Variants in HABP4 observed in about 807,000 individuals in gnomAD.
The protein encoded by HABP4 is hyaluronan binding protein 4.
In HABP4, 32 loss-of-function variants were observed where a neutral mutation model predicts 44.1. The ratio of observed to expected loss-of-function variants is 0.73; its 90% CI spans 0.55 to 0.97. The LOEUF (loss-of-function observed/expected upper bound fraction) is 0.97. Ranked by LOEUF, HABP4 falls within the 50% of genes least tolerant of loss-of-function variation. HABP4 has a pLI of 0.00. For synonymous variants in HABP4, 216 were observed against 218.0 expected (o/e 0.99, Z 0.08); for missense variants, 503 against 561.9 (o/e 0.90, Z 1.06).
chr9:96,458,997 A>G (rs923931763), intron 2 of HABP4, among the ~76,000 whole-genome samples: 6 of 152,122 alleles, frequency 3.9e-5, no homozygotes, highest in African/African-American at 9.7e-5. Flanking sequence ...ATTTATGTGC[A>G]ATTCATGTTA....
chr9:96,489,526 G>GACAAA (rs1833043373), intron 7 of HABP4, among the ~76,000 whole-genome samples: 1 of 151,792 alleles, frequency 6.6e-6, no homozygotes, highest in South Asian at 2.1e-4. Flanking sequence ...AACCTTGCCT[G>GACAAA]ACCTTGGTGT....
chr9:96,458,359 C>G lies in HABP4; in HGVS notation c.350-20C>G. On this transcript the variant is annotated intron_variant, in intron 1 of 7. Transcript: ENST00000375249. ...GCAGATGTTGTGTTCCAGCTCTCTG[C>G]TTTGATTTTCTGTTGGTAGGCCAGA... 1 of 1,612,558 alleles carries G rather than the reference C, an allele frequency of 6.2e-7. No homozygotes were observed. The highest frequency in any genetic ancestry group is 8.5e-7 in the Non-Finnish European group (1 of 1,178,658).
intron 5 of HABP4, chr9:96,484,231 TCAAAGA>T: frequency 2.5e-6 from 1 of 392,454 alleles, no homozygotes; most frequent in African/African-American, 2.0e-5. Flanking sequence ...TTCCCATTTT[TCAAAGA>T]TTGATTTGAA....
intron 2 of HABP4, among the ~76,000 whole-genome samples, chr9:96,461,648 A>G (rs1033592571): frequency 6.6e-5 from 10 of 152,180 alleles, no homozygotes; most frequent in African/African-American, 2.2e-4. Context: ...TGGCTGTGAC[A>G]AGACTACTAC....
intron 1 of HABP4, among the ~76,000 whole-genome samples, chr9:96,456,772 AAAAAAAAAATATATATATAT>A (rs1460342254): frequency 6.1e-4 from 44 of 72,102 alleles, no homozygotes; most frequent in African/African-American, 2.7e-3. Context: ...AAAAAAAAAA[AAAAAAAAAATATATATATAT>A]ATATATATAT....
chr9:96,464,364 A>G (rs1414493908), intron 2 of HABP4, among the ~76,000 whole-genome samples: 2 of 152,206 alleles, frequency 1.3e-5, no homozygotes, highest in African/African-American at 4.8e-5. Context: ...GCAACAGAGC[A>G]AGGCTCTGCC....
rs1421088755 is a variant in HABP4 at position 96,490,412 on chromosome 9, C to G, written c.*374C>G. On this transcript the variant is annotated 3_prime_UTR_variant, in exon 8 of 8. Transcript: ENST00000375249. ...AGATTCCCGGGGGCTGTGCCTTTAG[C>G]GTTAGAGGAAACACATAGAGCTGGA... is the stretch of plus-strand genomic sequence containing the variant. 1 of 179,646 alleles carries G rather than the reference C, an allele frequency of 5.6e-6. No individual in the cohort carries two copies. Among genetic ancestry groups the G allele is most frequent in the Admixed American group, 6.0e-5 (1 of 16,586 alleles). The allele number at this position is 179,646 out of a possible 1,614,324, so 11.1% of individuals were successfully genotyped here.
Position 96,484,543 on chromosome 9 carries a change from C to G in HABP4, c.909C>G (p.Thr303=). The change falls in exon 6 of 8, where the codon ACC becomes ACG. Residue 303 remains threonine, a synonymous_variant. Transcript: ENST00000375249. ...LDEWKNLQEQ[T]RPKPEFNIRK... is the part of the protein sequence containing the mutation. ...AGTGGAAAAATCTTCAAGAACAGAC[C>G]AGACCAAAGCCTGAGTTTAACATCC... 1 of 1,588,280 alleles carries G rather than the reference C, an allele frequency of 6.3e-7. No homozygotes were observed. Among genetic ancestry groups the G allele is most frequent in the South Asian group, 1.1e-5 (1 of 90,530 alleles).
intron 5 of HABP4, among the ~76,000 whole-genome samples, chr9:96,481,237 G>A (rs945184992): frequency 6.6e-6 from 1 of 151,922 alleles, no homozygotes; most frequent in Admixed American, 6.6e-5. Flanking sequence ...GGGATTACAG[G>A]CGTGTGCCAC....
rs538572281 is a variant in HABP4 at position 96,470,941 on chromosome 9, C to A, written c.744-70C>A. The A allele has an allele frequency of 9.0e-6, 8 of 892,382 alleles. No individual in the cohort carries two copies. In the East Asian group the frequency reaches 1.7e-4, roughly 19 times the overall value. The allele number at this position is 892,382 out of a possible 1,614,324, so 55.3% of individuals were successfully genotyped here. On this transcript the variant is annotated intron_variant, in intron 4 of 7. Transcript: ENST00000375249. ...AAAACCAAAAAAACAATGTTTTCTC[C>A]TTCTTAAACATACAAAGGCATTGGT... is the stretch of plus-strand genomic sequence containing the variant.
At chr9:96,451,336 AG>A (rs1832272791) in intron 1 of HABP4, 2 of 211,266 alleles carry the variant, frequency 9.5e-6, no homozygotes, top group Non-Finnish European at 1.6e-5. Context: ...CTATTTAGCA[AG>A]AAAAACCGGT....
At position 96,450,606 on chromosome 9, in the gene HABP4, C is replaced by CG; in HGVS notation, c.332dup (p.Gly112ArgfsTer12). The CG allele has an allele frequency of 9.4e-6, 12 of 1,270,822 alleles. No individual in the cohort carries two copies. The highest frequency in any genetic ancestry group is 8.1e-5 in the South Asian group (3 of 36,906). 78.7% of individuals were successfully genotyped at this position (1,270,822 alleles called of 1,614,324 possible). The stretch of plus-strand genomic sequence containing the variant: ...CCGTCGCTCAGCGGCCCGATAGCCC[C>CG]GGGGGCGGCCTGCAGGCGCCGGGTA... On this transcript the variant is annotated frameshift_variant, in exon 1 of 8. Coordinates refer to ENST00000375249, the MANE Select transcript of HABP4 (RefSeq NM_014282.4). LOFTEE classifies it high-confidence loss of function. This position sits in a 1 kb window ranked among gnomAD's most constrained non-coding sequence, Gnocchi z 4.8.
chr9:96,472,761 G>A (rs1296665999), intron 5 of HABP4, among the ~76,000 whole-genome samples: 1 of 152,146 alleles, frequency 6.6e-6, no homozygotes, highest in African/African-American at 2.4e-5. Context: ...GCCTCTTTCA[G>A]AGTTGCATGT....
At position 96,490,260 on chromosome 9, in the gene HABP4, T is replaced by C. The variant is rs1833067306; in HGVS notation, c.*222T>C. ...ATGAAGAATGGTGACTGTGTTTTTA[T>C]TGAAGGAATTTCAAATGAAGAATAA... On this transcript the variant is annotated 3_prime_UTR_variant, in exon 8 of 8. Coordinates refer to ENST00000375249, the MANE Select transcript of HABP4 (RefSeq NM_014282.4). 4 of 572,762 alleles carry C rather than the reference T, an allele frequency of 7.0e-6. No homozygotes were observed. Among genetic ancestry groups the C allele is most frequent in the Admixed American group, 3.0e-5 (1 of 32,914 alleles). The allele number at this position is 572,762 out of a possible 1,614,324, so 35.5% of individuals were successfully genotyped here. A position where few individuals can be genotyped will look rare whatever the true frequency, so the allele number is the denominator to read the frequency against.
Position 96,488,933 on chromosome 9 carries a change from C to T in HABP4, c.1185+659C>T, listed in dbSNP as rs149812461. On this transcript the variant is annotated intron_variant, in intron 7 of 7. Coordinates refer to ENST00000375249, the MANE Select transcript of HABP4 (RefSeq NM_014282.4). This position sits in a 1 kb window ranked among gnomAD's most constrained non-coding sequence, Gnocchi z 4.6. ...TCTCACTGGTGTGGCTATCGGTCAG[C>T]GGCTGCTTTTGCTCATTACCGGTTT... Among the ~76,000 whole-genome samples, 80 of 152,294 alleles carry T rather than the reference C, an allele frequency of 5.3e-4. No homozygotes were observed. The East Asian group carries it at 0.014, about 26-fold the overall frequency.
At chr9:96,480,146 G>A (rs1314181300) in intron 5 of HABP4, among the ~76,000 whole-genome samples, 2 of 152,132 alleles carry the variant, frequency 1.3e-5, no homozygotes, top group Admixed American at 6.5e-5. Context: ...CCGCACTCCA[G>A]CCTGGGTGAC....
intron 5 of HABP4, among the ~76,000 whole-genome samples, chr9:96,482,432 CTTCA>C (rs1832895702): frequency 6.6e-6 from 1 of 152,154 alleles, no homozygotes; most frequent in African/African-American, 2.4e-5. Flanking sequence ...AAGTTTTCAG[CTTCA>C]TTCATGTTGT....
In HABP4 at chr9:96,488,893, C is replaced by T. The variant is rs774067917; in HGVS notation, c.1185+619C>T. Among the ~76,000 whole-genome samples the T allele has an allele frequency of 3.3e-5, 5 of 152,314 alleles. No homozygotes were observed. The highest frequency in any genetic ancestry group is 9.6e-5 in the African/African-American group (4 of 41,570). On this transcript the variant is annotated intron_variant, in intron 7 of 7. Coordinates refer to ENST00000375249, the MANE Select transcript of HABP4 (RefSeq NM_014282.4). This position sits in a 1 kb window ranked among gnomAD's most constrained non-coding sequence, Gnocchi z 4.6. ...TTTCTTTTCATTGAAGCCTGATCTC[C>T]GTGTGCGGCTGTATTCTCACTGGTG...
chr9:96,456,803 ATATATATATATATATATAT>A, intron 1 of HABP4, among the ~76,000 whole-genome samples: 1 of 127,242 alleles, frequency 7.9e-6, no homozygotes, highest in South Asian at 2.7e-4. Flanking sequence ...ATATATATAT[ATATATATATATATATATAT>A]CCATTAACTT....
Sources: gnomAD v4.1 joint callset for allele counts (sites outside exome capture counted in the v4.1 genomes callset) on GRCh38, gnomAD v4.1.1 for gene constraint, Gnocchi (gnomAD v3.1) non-coding constraint, MANE v1.5 for transcripts, NCBI Gene and HGNC (gene_info 2026-07-23, HGNC 2026-07-21) for gene names.